The following NUDT5 variants were observed in gnomAD, a reference collection of about 807,000 sequenced individuals.
NUDT5 encodes ADP-sugar pyrophosphatase.
NUDT5 carries 21 observed loss-of-function variants against 34.1 expected under a neutral mutation model. The ratio of observed to expected loss-of-function variants is 0.62; its 90% CI spans 0.44 to 0.89. The LOEUF is 0.89. Ranked by LOEUF, NUDT5 falls within the 40% of genes least tolerant of loss-of-function variation. The pLI is 0.00. For synonymous variants in NUDT5, 85 were observed against 97.6 expected (o/e 0.87, Z 0.76); for missense variants, 249 against 274.8 (o/e 0.91, Z 0.66).
chr10:12,185,464 C>T (rs1835110724), intron 2 of NUDT5, among the ~76,000 whole-genome samples: 1 of 152,226 alleles, frequency 6.6e-6, no homozygotes, highest in African/African-American at 2.4e-5. Context: ...ACGTGGGTTT[C>T]CCACCCAACC....
intron 5 of NUDT5, among the ~76,000 whole-genome samples, chr10:12,177,436 T>G (rs999494387): frequency 3.2e-4 from 48 of 151,990 alleles, no homozygotes; most frequent in South Asian, 6.2e-4. Flanking sequence ...GGAGAATTGC[T>G]TGAACCCAGG....
chr10:12,172,735 C>A (rs778842957), intron 7 of NUDT5, 30 bp downstream of exon 7: 2 of 1,503,994 alleles, frequency 1.3e-6, no homozygotes, highest in African/African-American at 2.8e-5. Context: ...TGCAACCACA[C>A]CACCTTCATC....
chr10:12,167,607 A>C lies in NUDT5; in HGVS notation c.*95T>G. The C allele has an allele frequency of 8.2e-7, 1 of 1,217,334 alleles. No homozygotes were observed. The highest frequency in any genetic ancestry group is 1.2e-6 in the Non-Finnish European group (1 of 845,492). 75.4% of individuals were successfully genotyped at this position (1,217,334 alleles called of 1,614,324 possible). A position where few individuals can be genotyped will look rare whatever the true frequency, so the allele number is the denominator to read the frequency against. On this transcript the variant is annotated 3_prime_UTR_variant, in exon 10 of 10. Transcript: ENST00000491614. Reference sequence around the variant, plus strand: ...GTGCTTTTATTTTACGAAAAAGCTAATGGCAAATCTACATTAAACTAAGTT... The same window carrying C: ...GTGCTTTTATTTTACGAAAAAGCTACTGGCAAATCTACATTAAACTAAGTT...
intron 2 of NUDT5, 40 bp from the exon 3 acceptor site, chr10:12,184,996 C>A: frequency 2.7e-6 from 3 of 1,099,744 alleles, no homozygotes; most frequent in Non-Finnish European, 4.1e-6. Flanking sequence ...AACTTTCAAA[C>A]CAAGTTGTTT....
At position 12,169,336 on chromosome 10, in the gene NUDT5, C is replaced by G. The variant is rs1259966004; in HGVS notation, c.550+1381G>C. On this transcript the variant is annotated intron_variant, in intron 9 of 9. Transcript: ENST00000491614. The surrounding 1 kb of genome is among the most constrained non-coding windows in gnomAD (Gnocchi z 4.8). ...GGATACTCTTCTACTAAAAGATAAC[C>G]CCGCACGGCATTTCACACTTGCCTA... 1 of 1,542,378 alleles carries G rather than the reference C, an allele frequency of 6.5e-7. No homozygotes were observed. Among genetic ancestry groups the G allele is most frequent in the Admixed American group, 2.0e-5 (1 of 50,452 alleles).
Position 12,165,903 on chromosome 10 carries a change from T to C in NUDT5, c.*1799A>G, listed in dbSNP as rs543395004. ...CCATAAAAACATCCACCCAGTGTTA[T>C]GACGTCCGATTTTTTTTTCCCTTAA... On this transcript the variant is annotated 3_prime_UTR_variant, in exon 10 of 10. Transcript: ENST00000491614. 7 of 152,222 alleles carry C rather than the reference T, an allele frequency of 4.6e-5. No individual in the cohort carries two copies. The highest frequency in any genetic ancestry group is 1.0e-4 in the Non-Finnish European group (7 of 68,044). 9.4% of individuals were successfully genotyped at this position (152,222 alleles called of 1,614,324 possible). A position where few individuals can be genotyped will look rare whatever the true frequency, so the allele number is the denominator to read the frequency against.
At position 12,171,549 on chromosome 10, in the gene NUDT5, G is replaced by C. The variant is rs974031212; in HGVS notation, c.488-641C>G. Among the ~76,000 whole-genome samples, 1 of 152,064 alleles carries C rather than the reference G, an allele frequency of 6.6e-6. No individual in the cohort carries two copies. The highest frequency in any genetic ancestry group is 2.4e-5 in the African/African-American group (1 of 41,406). ...CAGGCACGCAAGTATATGAGTCCCTGTTTCACTTCTTCTGGGTGTAGACTT... is the reference window on the plus strand; with the variant it reads ...CAGGCACGCAAGTATATGAGTCCCTCTTTCACTTCTTCTGGGTGTAGACTT... On this transcript the variant is annotated intron_variant, in intron 7 of 9. Transcript: ENST00000491614. The surrounding 1 kb of genome is among the most constrained non-coding windows in gnomAD (Gnocchi z 4.2).
Position 12,168,619 on chromosome 10 carries a change from A to G in NUDT5, c.551-808T>C, listed in dbSNP as rs182445485. 3.4e-3 allele frequency among the ~76,000 whole-genome samples: 522 copies of G among 152,276 alleles called. 4 individuals are homozygous for G. Among genetic ancestry groups the G allele is most frequent in the African/African-American group, 0.012 (510 of 41,546 alleles). On this transcript the variant is annotated intron_variant, in intron 9 of 9. Coordinates refer to ENST00000491614, the MANE Select transcript of NUDT5 (RefSeq NM_014142.4). This position sits in a 1 kb window ranked among gnomAD's most constrained non-coding sequence, Gnocchi z 4.8. The stretch of plus-strand genomic sequence containing the variant: ...TCAGATGGAGGTTGCCAGATGTAAA[A>G]TCAGCCTCTTGTTTTCCTAGCCGCT...
rs958421231 is a variant in NUDT5, at chr10:12,175,505, G to A, written c.290-1692C>T. ...TACAAAAAATTTAAAAATCGAATGC[G>A]GTGATGCACGCCTGCAGACCCAGCT... On this transcript the variant is annotated intron_variant, in intron 5 of 9. Coordinates refer to ENST00000491614, the MANE Select transcript of NUDT5 (RefSeq NM_014142.4). This position sits in a 1 kb window ranked among gnomAD's most constrained non-coding sequence, Gnocchi z 4.8. Among the ~76,000 whole-genome samples, 1 of 151,738 alleles carries A rather than the reference G, an allele frequency of 6.6e-6. No individual in the cohort carries two copies. Among genetic ancestry groups the A allele is most frequent in the Non-Finnish European group, 1.5e-5 (1 of 67,972 alleles).
At chr10:12,183,520 G>C (rs117035561) in intron 3 of NUDT5, among the ~76,000 whole-genome samples, 1 of 152,176 alleles carries the variant, frequency 6.6e-6, no homozygotes, top group Admixed American at 6.5e-5. Flanking sequence ...AAGAAATCAT[G>C]TACTCTTATT....
At chr10:12,185,203 C>G (rs1305365639) in intron 2 of NUDT5, among the ~76,000 whole-genome samples, 1 of 151,846 alleles carries the variant, frequency 6.6e-6, no homozygotes, top group African/African-American at 2.4e-5. Context: ...AAAGAAATGA[C>G]AGTCTAAAAA....
In NUDT5 at chr10:12,170,896, A is replaced by G; in HGVS notation, c.496+4T>C. 1.9e-6 allele frequency: 3 copies of G among 1,613,948 alleles called. No homozygotes were observed. Among genetic ancestry groups the G allele is most frequent in the Non-Finnish European group, 2.5e-6 (3 of 1,179,896 alleles). On this transcript the variant is annotated splice_donor_region_variant and intron_variant, in intron 8 of 9. Transcript: ENST00000491614. This position sits in a 1 kb window ranked among gnomAD's most constrained non-coding sequence, Gnocchi z 4.9. ...GCTCGGCCACCAGGAGTTGCAGAACATACCTCCATCCCCTGGAAATAAACA... is the reference window on the plus strand; with the variant it reads ...GCTCGGCCACCAGGAGTTGCAGAACGTACCTCCATCCCCTGGAAATAAACA...
chr10:12,185,039 C>A, intron 2 of NUDT5, 83 bp from the exon 3 acceptor site: 2 of 738,656 alleles, frequency 2.7e-6, no homozygotes, highest in South Asian at 1.6e-5. Flanking sequence ...CACATTTCCT[C>A]TGTCTTTCCC....
intron 2 of NUDT5, among the ~76,000 whole-genome samples, chr10:12,185,856 C>T (rs1835118118): frequency 6.6e-6 from 1 of 152,176 alleles, no homozygotes; most frequent in East Asian, 1.9e-4. Flanking sequence ...CAATTAACAA[C>T]GTAGGTTTTT....
At chr10:12,192,227 G>C (rs1038460661) in intron 1 of NUDT5, among the ~76,000 whole-genome samples, 1 of 151,790 alleles carries the variant, frequency 6.6e-6, no homozygotes, top group Non-Finnish European at 1.5e-5. Context: ...TCGCTTGAAC[G>C]AGGGAGGTGG....
chr10:12,190,407 T>C (rs1425528409), intron 1 of NUDT5, among the ~76,000 whole-genome samples: 1 of 152,126 alleles, frequency 6.6e-6, no homozygotes, highest in African/African-American at 2.4e-5. Context: ...AGTCTCTAAC[T>C]AGCTTCGAGA....
At chr10:12,194,547 C>G (rs1205791790) in intron 1 of NUDT5, among the ~76,000 whole-genome samples, 1 of 152,246 alleles carries the variant, frequency 6.6e-6, no homozygotes, top group Admixed American at 6.5e-5. Context: ...CTATTTACCT[C>G]TGCTTTGAAA....
intron 4 of NUDT5, among the ~76,000 whole-genome samples, chr10:12,178,473 AT>A: frequency 6.6e-6 from 1 of 152,352 alleles, no homozygotes; most frequent in South Asian, 2.1e-4. Flanking sequence ...ACAGCTTCCT[AT>A]CTGTGAAGCC....
Position 12,165,335 on chromosome 10 carries a change from A to C in NUDT5, c.*2367T>G, listed in dbSNP as rs1834643303. On this transcript the variant is annotated 3_prime_UTR_variant, in exon 10 of 10. Coordinates refer to ENST00000491614, the MANE Select transcript of NUDT5 (RefSeq NM_014142.4). ...TCACAGCAGCAACATGAGTGTAAAC[A>C]GTAGACAATAAACTTTTATTTAAGA... 4 of 983,062 alleles carry C rather than the reference A, an allele frequency of 4.1e-6. No individual in the cohort carries two copies. The highest frequency in any genetic ancestry group is 4.8e-6 in the Non-Finnish European group (4 of 827,824). 60.9% of individuals were successfully genotyped at this position (983,062 alleles called of 1,614,324 possible). A position where few individuals can be genotyped will look rare whatever the true frequency, so the allele number is the denominator to read the frequency against.
Sources: gnomAD v4.1 joint callset for allele counts (sites outside exome capture counted in the v4.1 genomes callset) on GRCh38, gnomAD v4.1.1 for gene constraint, Gnocchi (gnomAD v3.1) non-coding constraint, MANE v1.5 for transcripts, NCBI Gene and HGNC (gene_info 2026-07-23, HGNC 2026-07-21) for gene names.